Variants in EFNA5 observed in about 807,000 individuals in gnomAD.
EFNA5 encodes the protein ephrin A5, also known as ephrin-A5.
Under a neutral mutation model 22.9 loss-of-function variants are expected in EFNA5, and 5 were observed. That is an observed-to-expected ratio of 0.22 (90% CI 0.11 to 0.46). The LOEUF (loss-of-function observed/expected upper bound fraction) is 0.46. EFNA5 is among the 20% of genes least tolerant of loss of function. The probability of loss-of-function intolerance (pLI) is 0.99; values close to 1 mark genes in which losing one functional copy is unlikely to be tolerated. For missense variants in EFNA5, 237 were observed against 293.3 expected, an observed-to-expected ratio of 0.81 and a Z score of 1.40; for synonymous variants, 113 against 112.2, an observed-to-expected ratio of 1.01 and a Z score of -0.04.
chr5:107,614,716 A>AT (rs911950651), intron 1 of EFNA5, among the ~76,000 whole-genome samples: 5 of 152,116 alleles, frequency 3.3e-5, no homozygotes, highest in South Asian at 2.1e-4. Flanking sequence ...GTTGTGTAAC[A>AT]TTTTCTCTCT....
chr5:107,493,865 C>T (rs1236788628), intron 1 of EFNA5, among the ~76,000 whole-genome samples: 1 of 152,096 alleles, frequency 6.6e-6, no homozygotes, highest in Non-Finnish European at 1.5e-5. Context: ...AATTATTACC[C>T]ACATGTCACA....
At chr5:107,451,382 A>G (rs1749555941) in intron 1 of EFNA5, among the ~76,000 whole-genome samples, 1 of 152,252 alleles carries the variant, frequency 6.6e-6, no homozygotes, top group African/African-American at 2.4e-5. Context: ...AGACTGTTCA[A>G]GTCATTAACT....
At chr5:107,532,532 T>G (rs1747834452) in intron 1 of EFNA5, among the ~76,000 whole-genome samples, 1 of 152,214 alleles carries the variant, frequency 6.6e-6, no homozygotes, top group South Asian at 2.1e-4. Context: ...AAATAGACTT[T>G]ATCCGGCCTC....
chr5:107,462,962 T>TGG (rs1029151131), intron 1 of EFNA5, among the ~76,000 whole-genome samples: 1 of 152,200 alleles, frequency 6.6e-6, no homozygotes, highest in Non-Finnish European at 1.5e-5. Context: ...GCAGGAGATG[T>TGG]GGGTTCTAGT....
intron 1 of EFNA5, among the ~76,000 whole-genome samples, chr5:107,590,125 T>C (rs1332587759): frequency 6.6e-6 from 1 of 152,154 alleles, no homozygotes; most frequent in Non-Finnish European, 1.5e-5. Flanking sequence ...AAGAGTAGCA[T>C]AGTCATATTG....
chr5:107,424,198 A>ATTTTTT (rs70996959), intron 2 of EFNA5, among the ~76,000 whole-genome samples: 9 of 95,708 alleles, frequency 9.4e-5, no homozygotes, highest in Non-Finnish European at 1.2e-4. Context: ...TCTTTCTTTC[A>ATTTTTT]TTTTTTTTTT....
chr5:107,612,778 T>C (rs1052901911), intron 1 of EFNA5, among the ~76,000 whole-genome samples: 4 of 152,226 alleles, frequency 2.6e-5, no homozygotes, highest in South Asian at 4.1e-4. Context: ...GCCTACTTAA[T>C]GAACTGCTGA....
chr5:107,507,569 G>A (rs190842164), intron 1 of EFNA5, among the ~76,000 whole-genome samples: 2 of 152,192 alleles, frequency 1.3e-5, no homozygotes, highest in African/African-American at 4.8e-5. Flanking sequence ...AGGCGTGGTG[G>A]CTCACACCTG....
At chr5:107,437,761 C>A (rs935447241) in intron 1 of EFNA5, among the ~76,000 whole-genome samples, 4 of 151,940 alleles carry the variant, frequency 2.6e-5, no homozygotes, top group Non-Finnish European at 5.9e-5. Context: ...GTAAAGCATC[C>A]AATAATCTCT....
intron 1 of EFNA5, among the ~76,000 whole-genome samples, chr5:107,632,895 A>G (rs1750288552): frequency 6.6e-6 from 1 of 152,232 alleles, no homozygotes; most frequent in South Asian, 2.1e-4. Flanking sequence ...TCCTTTTGAA[A>G]TAACTCCACC....
chr5:107,588,801 A>C (rs1303323334), intron 1 of EFNA5, among the ~76,000 whole-genome samples: 1 of 152,348 alleles, frequency 6.6e-6, no homozygotes, highest in South Asian at 2.1e-4. Flanking sequence ...CATTTAAATT[A>C]TCAACCTGAG....
At chr5:107,397,081 TTTA>T (rs1388462438) in intron 2 of EFNA5, among the ~76,000 whole-genome samples, 2 of 143,884 alleles carry the variant, frequency 1.4e-5, no homozygotes, top group African/African-American at 2.5e-5. Context: ...CACTCCACTC[TTTA>T]ATTTTTTTTT....
At chr5:107,504,598 C>A (rs535410021) in intron 1 of EFNA5, among the ~76,000 whole-genome samples, 3 of 152,282 alleles carry the variant, frequency 2.0e-5, no homozygotes, top group African/African-American at 7.2e-5. Flanking sequence ...ATACAGATAT[C>A]TAATTACTAC....
At chr5:107,516,008 T>C (rs1401491964) in intron 1 of EFNA5, among the ~76,000 whole-genome samples, 2 of 152,184 alleles carry the variant, frequency 1.3e-5, no homozygotes, top group African/African-American at 4.8e-5. Flanking sequence ...GACACTAGAA[T>C]TTTATTTCAT....
At chr5:107,662,889 T>C (rs1266229368) in intron 1 of EFNA5, among the ~76,000 whole-genome samples, 1 of 151,582 alleles carries the variant, frequency 6.6e-6, no homozygotes, top group African/African-American at 2.4e-5. Flanking sequence ...CAATAGGGGC[T>C]ATTAATATAT....
intron 1 of EFNA5, among the ~76,000 whole-genome samples, chr5:107,434,470 T>C (rs1265994763): frequency 6.6e-6 from 1 of 152,202 alleles, no homozygotes; most frequent in East Asian, 1.9e-4. Context: ...TGCCCTGCAG[T>C]CTTCCTCCTT....
At chr5:107,404,952 C>G (rs1270092362) in intron 2 of EFNA5, among the ~76,000 whole-genome samples, 1 of 152,114 alleles carries the variant, frequency 6.6e-6, no homozygotes, top group African/African-American at 2.4e-5. Context: ...AAGAAAAAGC[C>G]TTTTAATATT....
At position 107,472,786 on chromosome 5, in the gene EFNA5, G is replaced by T. The variant is rs574467491; in HGVS notation, c.126-45277C>A. Among the ~76,000 whole-genome samples, 37 of 152,326 alleles carry T rather than the reference G, an allele frequency of 2.4e-4. 1 individual carries two copies. The highest frequency in any genetic ancestry group is 5.9e-4 in the Admixed American group (9 of 15,296). On this transcript the variant is annotated intron_variant, in intron 1 of 4. Coordinates refer to ENST00000333274, the MANE Select transcript of EFNA5 (RefSeq NM_001962.3). ...CCAAAAAGGTACAACTCATGTGGGA[G>T]GTAAGAGAGCTAGAATGACAAACAG...
chr5:107,493,403 C>T (rs930262701), intron 1 of EFNA5, among the ~76,000 whole-genome samples: 1 of 152,020 alleles, frequency 6.6e-6, no homozygotes, highest in African/African-American at 2.4e-5. Context: ...GCGGTAACTG[C>T]AGTGTTTTCC....
Sources: allele counts gnomAD v4.1 joint callset (sites outside exome capture counted in the v4.1 genomes callset), GRCh38; gene constraint gnomAD v4.1.1; transcripts MANE v1.5; gene names NCBI Gene and HGNC (gene_info 2026-07-23, HGNC 2026-07-21).